The following PITX3 variants were observed in gnomAD, a reference collection of about 807,000 sequenced individuals.
The protein encoded by PITX3 is paired like homeodomain 3, also known as pituitary homeobox 3.
A neutral mutation model predicts 14.2 loss-of-function variants in PITX3; 4 were observed. That is an observed-to-expected ratio of 0.28 (90% CI 0.14 to 0.65). The LOEUF is 0.65. Ranked by LOEUF, PITX3 falls within the 30% of genes least tolerant of loss-of-function variation. The pLI is 0.82. For synonymous variants in PITX3, 194 were observed against 204.5 expected, an observed-to-expected ratio of 0.95 and a Z score of 0.44; for missense variants, 358 against 426.8, an observed-to-expected ratio of 0.84 and a Z score of 1.42.
chr10:102,236,286 T>G (rs1457852318), intron 1 of PITX3, among the ~76,000 whole-genome samples: 2 of 152,084 alleles, frequency 1.3e-5, no homozygotes, highest in Non-Finnish European at 2.9e-5. Context: ...GAACAAGCAG[T>G]AGGTCTGGAA....
chr10:102,231,551 C>G, intron 3 of PITX3, 37 bp downstream of exon 3: 1 of 1,396,260 alleles, frequency 7.2e-7, no homozygotes, highest in Middle Eastern at 2.4e-4. Flanking sequence ...GCGCGGAGGG[C>G]CCGCGCGGGT....
intron 1 of PITX3, among the ~76,000 whole-genome samples, chr10:102,238,731 C>A (rs902128882): frequency 1.3e-5 from 2 of 152,194 alleles, no homozygotes; most frequent in Non-Finnish European, 2.9e-5. Context: ...TGCCTATCCC[C>A]ATTACACCTC....
At chr10:102,240,267 G>C (rs1054678874) in intron 1 of PITX3, among the ~76,000 whole-genome samples, 7 of 152,122 alleles carry the variant, frequency 4.6e-5, no homozygotes, top group Admixed American at 4.6e-4. Flanking sequence ...TCCTTTCCTG[G>C]TCTTGATTCC....
rs200814876 is a variant in PITX3, at chr10:102,230,473, C to A, written c.*41G>T. On this transcript the variant is annotated 3_prime_UTR_variant, in exon 4 of 4. Coordinates refer to ENST00000370002, the MANE Select transcript of PITX3 (RefSeq NM_005029.4). ...ACCCCAGTCCGCGGAGGCTGTGAAT[C>A]GTTGCCCCCGCCCTCGGGGATGATC... is the stretch of plus-strand genomic sequence containing the variant. 1.9e-4 allele frequency: 305 copies of A among 1,580,256 alleles called. No individual in the cohort carries two copies. Among genetic ancestry groups the A allele is most frequent in the Non-Finnish European group, 2.4e-4 (276 of 1,163,200 alleles).
At chr10:102,234,521 C>T (rs936013915) in intron 1 of PITX3, among the ~76,000 whole-genome samples, 1 of 152,104 alleles carries the variant, frequency 6.6e-6, no homozygotes, top group Non-Finnish European at 1.5e-5. Context: ...GCCAACAATG[C>T]TCTGATGGAA....
chr10:102,237,499 T>C (rs2070429673), intron 1 of PITX3, among the ~76,000 whole-genome samples: 1 of 151,904 alleles, frequency 6.6e-6, no homozygotes, highest in Non-Finnish European at 1.5e-5. Flanking sequence ...GGGGCAGTGG[T>C]TCAGATTTGA....
intron 1 of PITX3, among the ~76,000 whole-genome samples, chr10:102,240,610 G>A (rs1348301836): frequency 2.6e-5 from 4 of 152,208 alleles, no homozygotes; most frequent in East Asian, 3.9e-4. Context: ...CTCCCGCTCC[G>A]GAGAGACCCA....
chr10:102,236,443 G>C (rs989530259), intron 1 of PITX3, among the ~76,000 whole-genome samples: 1 of 152,230 alleles, frequency 6.6e-6, no homozygotes. Flanking sequence ...GGATGTGAGG[G>C]ATGTGTGGCC....
chr10:102,240,859 A>G (rs1384970812), intron 1 of PITX3, among the ~76,000 whole-genome samples: 1 of 152,192 alleles, frequency 6.6e-6, no homozygotes, highest in African/African-American at 2.4e-5. Context: ...AGCGTGTGCG[A>G]CCAGGCGCAC....
In PITX3 at chr10:102,231,192, C is replaced by T. The variant is rs1007843011; in HGVS notation, c.322-91G>A. The T allele has an allele frequency of 2.1e-5, 27 of 1,271,086 alleles. No individual in the cohort carries two copies. In the Admixed American group the frequency reaches 7.8e-4, roughly 37 times the overall value. 78.7% of individuals were successfully genotyped at this position (1,271,086 alleles called of 1,614,324 possible). A position where few individuals can be genotyped will look rare whatever the true frequency, so the allele number is the denominator to read the frequency against. On this transcript the variant is annotated intron_variant, in intron 3 of 3. Coordinates refer to ENST00000370002, the MANE Select transcript of PITX3 (RefSeq NM_005029.4). ...CCCCGACGGGGCTTCCAGCCGGGGC[C>T]CTGCGGTCAATAAACGAGATGAGGT... is the stretch of plus-strand genomic sequence containing the variant.
intron 1 of PITX3, among the ~76,000 whole-genome samples, chr10:102,239,880 T>G (rs1371913939): frequency 6.6e-6 from 1 of 152,196 alleles, no homozygotes; most frequent in African/African-American, 2.4e-5. Flanking sequence ...TAAACCCGGC[T>G]GTTAGGTAGG....
intron 1 of PITX3, among the ~76,000 whole-genome samples, chr10:102,235,515 G>A (rs545361273): frequency 1.3e-5 from 2 of 152,256 alleles, no homozygotes; most frequent in South Asian, 2.1e-4. Flanking sequence ...CTTCATCTCC[G>A]AAAGGAAGTT....
chr10:102,233,552 C>T (rs1564992661), intron 1 of PITX3, among the ~76,000 whole-genome samples: 1 of 152,112 alleles, frequency 6.6e-6, no homozygotes, highest in South Asian at 2.1e-4. Flanking sequence ...GATCTGCCTG[C>T]CTCGGCCTCC....
Position 102,230,303 on chromosome 10 carries a change from G to C in PITX3, c.*211C>G. 1.6e-6 allele frequency: 1 copy of C among 622,900 alleles called. No individual in the cohort carries two copies. Among genetic ancestry groups the C allele is most frequent in the East Asian group, 3.2e-5 (1 of 31,100 alleles). The allele number at this position is 622,900 out of a possible 1,614,324, so 38.6% of individuals were successfully genotyped here. On this transcript the variant is annotated 3_prime_UTR_variant, in exon 4 of 4. Coordinates refer to ENST00000370002, the MANE Select transcript of PITX3 (RefSeq NM_005029.4). ...CCCGGGGAGCTGGTCCCTGTTCCTG[G>C]CTTTAGTCCCAGGGGCGCGGTCTGT...
At chr10:102,232,465 C>T (rs1272108665) in intron 1 of PITX3, among the ~76,000 whole-genome samples, 1 of 152,158 alleles carries the variant, frequency 6.6e-6, no homozygotes, top group East Asian at 1.9e-4. Context: ...GGTGGATCAC[C>T]TGAGGTCAGG....
At chr10:102,235,169 C>A (rs2070354487) in intron 1 of PITX3, among the ~76,000 whole-genome samples, 2 of 71,552 alleles carry the variant, frequency 2.8e-5, no homozygotes, top group East Asian at 6.1e-4. Context: ...TTACCCTTCC[C>A]CCACCCCCCA....
chr10:102,239,726 G>C (rs1023945080), intron 1 of PITX3, among the ~76,000 whole-genome samples: 1 of 152,144 alleles, frequency 6.6e-6, no homozygotes, highest in Non-Finnish European at 1.5e-5. Context: ...TCCCCAGCTG[G>C]GCTATCTTGC....
rs765679161 is a variant in PITX3 at position 102,230,897 on chromosome 10, A to G, written c.526T>C (p.Ser176Pro). ...AAKTFPFAFN[S>P]VNVGPLASQP... ...GAAGCCAGAGGCCCCACGTTGACCG[A>G]GTTGAAGGCGAATGGAAAGGTCTTG... The change falls in exon 4 of 4, where the codon TCG becomes CCG. Residue 176 changes from serine to proline, a missense_variant. By Grantham distance (74) the Ser-to-Pro change is moderately conservative. This residue lies in a region of PITX3 where 236 missense variants were observed against 250.2 expected (regional missense o/e 0.94). Coordinates refer to ENST00000370002, the MANE Select transcript of PITX3 (RefSeq NM_005029.4). The G allele has an allele frequency of 1.3e-5, 21 of 1,611,434 alleles. No homozygotes were observed. The South Asian group carries it at 1.4e-4, about 11-fold the overall frequency.
At chr10:102,238,136 T>TA (rs1466996948) in intron 1 of PITX3, among the ~76,000 whole-genome samples, 1 of 152,180 alleles carries the variant, frequency 6.6e-6, no homozygotes, top group African/African-American at 2.4e-5. Context: ...CCCCAACTCT[T>TA]ACCCCACTGA....
Sources: gnomAD v4.1 joint callset for allele counts (sites outside exome capture counted in the v4.1 genomes callset) on GRCh38, gnomAD v4.1.1 for gene constraint, gnomAD v4.1.1 regional missense constraint, MANE v1.5 for transcripts, NCBI Gene and HGNC (gene_info 2026-07-23, HGNC 2026-07-21) for gene names.